Variants in PTPN1 observed in about 807,000 individuals in gnomAD.
PTPN1 encodes protein tyrosine phosphatase non-receptor type 1, also known as tyrosine-protein phosphatase non-receptor type 1.
In PTPN1, 12 loss-of-function variants were observed where a neutral mutation model predicts 59.9. The ratio of observed to expected loss-of-function variants is 0.20; its 90% confidence interval spans 0.13 to 0.32. The LOEUF (loss-of-function observed/expected upper bound fraction) is 0.32. PTPN1 is among the 10% of genes least tolerant of loss of function. PTPN1 has a pLI of 1.00. For missense variants in PTPN1, 356 were observed against 549.2 expected (o/e 0.65, Z 3.52); for synonymous variants, 178 against 203.6 (o/e 0.87, Z 1.07).
chr20:50,524,357 CTT>C (rs1178403643), intron 1 of PTPN1, among the ~76,000 whole-genome samples: 2 of 151,956 alleles, frequency 1.3e-5, no homozygotes, highest in Non-Finnish European at 2.9e-5. Flanking sequence ...TGCAGATAAT[CTT>C]TGATTTGTAC....
chr20:50,539,644 CTTTTTTTTT>C (rs5841806), intron 1 of PTPN1, among the ~76,000 whole-genome samples: 5 of 90,536 alleles, frequency 5.5e-5, no homozygotes, highest in East Asian at 3.1e-4. Flanking sequence ...CTCTTTCTCT[CTTTTTTTTT>C]TTTTTTTTTT....
chr20:50,577,469 C>T (rs1490008408), intron 5 of PTPN1: 2 of 152,264 alleles, frequency 1.3e-5, no homozygotes, highest in Non-Finnish European at 2.9e-5. Flanking sequence ...TTCCAGAGCC[C>T]TTTCCCTCTC....
chr20:50,559,161 A>T (rs1005173287), intron 1 of PTPN1, among the ~76,000 whole-genome samples: 1 of 150,810 alleles, frequency 6.6e-6, no homozygotes, highest in Admixed American at 6.7e-5. Context: ...CCTCCTGAGT[A>T]GCTGGGATTA....
chr20:50,518,810 A>G (rs1437636440), intron 1 of PTPN1, among the ~76,000 whole-genome samples: 5 of 152,236 alleles, frequency 3.3e-5, no homozygotes, highest in African/African-American at 1.2e-4. Flanking sequence ...GGCCAAGATC[A>G]GAAAGTTACA....
In PTPN1 at chr20:50,579,761, C is replaced by T. The variant is rs2082856169; in HGVS notation, c.923C>T (p.Pro308Leu). The T allele has an allele frequency of 1.2e-6, 2 of 1,613,542 alleles. No individual in the cohort carries two copies. Among genetic ancestry groups the T allele is most frequent in the Admixed American group, 1.7e-5 (1 of 60,000 alleles). Residue 308 changes from proline (P) to leucine (L), a missense_variant, in exon 8 of 10, where the codon CCA (proline) becomes CTA (leucine). Physicochemically the swap from Pro to Leu is moderately conservative, Grantham distance 98 (BLOSUM62 -3). This residue lies in a region of PTPN1 where 100 missense variants were observed against 107.7 expected (regional missense o/e 0.93). Transcript: ENST00000371621. ...GAGCCCCCACCCGAGCATATCCCCCCACCTCCCCGGCCACCCAAACGAATC... is the reference window on the plus strand; with the variant it reads ...GAGCCCCCACCCGAGCATATCCCCCTACCTCCCCGGCCACCCAAACGAATC... ...DLEPPPEHIPPPPRPPKRILE... is the reference protein window; with the variant it reads ...DLEPPPEHIPLPPRPPKRILE...
chr20:50,515,617 C>T (rs191697561), intron 1 of PTPN1, among the ~76,000 whole-genome samples: 30 of 152,286 alleles, frequency 2.0e-4, no homozygotes, highest in African/African-American at 5.1e-4. Flanking sequence ...TATCCCAGGT[C>T]TATCTCCAAT....
chr20:50,535,195 A>G (rs2082619113), intron 1 of PTPN1, among the ~76,000 whole-genome samples: 1 of 152,144 alleles, frequency 6.6e-6, no homozygotes, highest in Non-Finnish European at 1.5e-5. Context: ...TCACTGTCCT[A>G]CTTGAAAACT....
chr20:50,510,475 G>A lies in PTPN1; in HGVS notation c.-53G>A. ...CTAAGAGCGCGACGCGGCCTAGAGC[G>A]GCAGACGGCGCAGTGGGCCGAGAAG... On this transcript the variant is annotated 5_prime_UTR_variant, in exon 1 of 10. Transcript: ENST00000371621. The A allele has an allele frequency of 1.9e-6, 3 of 1,540,958 alleles. No individual in the cohort carries two copies. Among genetic ancestry groups the A allele is most frequent in the Non-Finnish European group, 1.8e-6 (2 of 1,140,732 alleles).
At chr20:50,534,854 T>C (rs2082616887) in intron 1 of PTPN1, among the ~76,000 whole-genome samples, 1 of 152,016 alleles carries the variant, frequency 6.6e-6, no homozygotes. Context: ...GCCTCTGGAG[T>C]AGCTGGGGCT....
intron 1 of PTPN1, among the ~76,000 whole-genome samples, chr20:50,545,344 T>A (rs933285542): frequency 2.0e-5 from 3 of 152,186 alleles, no homozygotes; most frequent in African/African-American, 4.8e-5. Context: ...CCACAGGCTG[T>A]AGGCTAAAAT....
At chr20:50,527,614 C>A (rs1453688985) in intron 1 of PTPN1, among the ~76,000 whole-genome samples, 1 of 152,164 alleles carries the variant, frequency 6.6e-6, no homozygotes, top group Non-Finnish European at 1.5e-5. Context: ...ACCCGTCAGC[C>A]TCCCAAAGTG....
At position 50,545,887 on chromosome 20, in the gene PTPN1, G is replaced by A. The variant is rs375507078; in HGVS notation, c.64-15476G>A. Among the ~76,000 whole-genome samples the A allele has an allele frequency of 1.2e-3, 186 of 151,042 alleles. 1 individual carries two copies. Among genetic ancestry groups the A allele is most frequent in the Middle Eastern group, 3.4e-3 (1 of 294 alleles). ...CAAAAAAATAGAAACAATGAGCCAG[G>A]CATGGTGGAACGTAGTGCGTGGTGC... On this transcript the variant is annotated intron_variant, in intron 1 of 9. Coordinates refer to ENST00000371621, the MANE Select transcript of PTPN1 (RefSeq NM_002827.4).
chr20:50,578,593 TG>T lies in PTPN1; in HGVS notation c.668del (p.Gly223GlufsTer12). 1 of 1,614,186 alleles carries T rather than the reference TG, an allele frequency of 6.2e-7. No homozygotes were observed. The highest frequency in any genetic ancestry group is 8.5e-7 in the Non-Finnish European group (1 of 1,180,042). On this transcript the variant is annotated frameshift_variant, in exon 6 of 10. Transcript: ENST00000371621. LOFTEE classifies it high-confidence loss of function. ...ACTGCAGTGCAGGCATCGGCAGGTC[TG>T]GAACCTTCTGTCTGGCTGATACCTG... ...VHCSAGIGRS[G>X]TFCLADTCLL...
intron 5 of PTPN1, among the ~76,000 whole-genome samples, chr20:50,577,112 C>T (rs1044309374): frequency 6.6e-6 from 1 of 151,978 alleles, no homozygotes; most frequent in African/African-American, 2.4e-5. Flanking sequence ...ATTTAATGAA[C>T]ATTAAATATT....
chr20:50,545,864 A>C (rs1044863062), intron 1 of PTPN1, among the ~76,000 whole-genome samples: 1 of 149,252 alleles, frequency 6.7e-6, no homozygotes, highest in Non-Finnish European at 1.5e-5. Flanking sequence ...CGTCTCTACA[A>C]AAAAATAGAA....
intron 4 of PTPN1, chr20:50,572,293 T>C (rs978414859): frequency 6.6e-6 from 1 of 152,262 alleles, no homozygotes; most frequent in Admixed American, 6.5e-5. Context: ...TATATATCAA[T>C]GTAATAGGGT....
rs889735301 is a variant in PTPN1, at chr20:50,584,390, T to C, written c.*1675T>C. 6.6e-6 allele frequency: 1 copy of C among 152,622 alleles called. No homozygotes were observed. Among genetic ancestry groups the C allele is most frequent in the Admixed American group, 6.5e-5 (1 of 15,288 alleles). The allele number at this position is 152,622 out of a possible 1,614,324, so 9.5% of individuals were successfully genotyped here. On this transcript the variant is annotated 3_prime_UTR_variant, in exon 10 of 10. Coordinates refer to ENST00000371621, the MANE Select transcript of PTPN1 (RefSeq NM_002827.4). ...ATATAGTAGCATTTCAAAATGGACG[T>C]ACTGGTTTAACCTCCTATCCTTGGA...
At chr20:50,540,956 C>A (rs1380770900) in intron 1 of PTPN1, among the ~76,000 whole-genome samples, 3 of 152,160 alleles carry the variant, frequency 2.0e-5, no homozygotes, top group Admixed American at 6.5e-5. Flanking sequence ...GATATCCTAG[C>A]CATCCACCTG....
chr20:50,517,465 C>T (rs2082533742), intron 1 of PTPN1, among the ~76,000 whole-genome samples: 1 of 152,086 alleles, frequency 6.6e-6, no homozygotes, highest in African/African-American at 2.4e-5. Flanking sequence ...TGCTGTGTTG[C>T]CCAGGCTGGT....
Sources: gnomAD v4.1 joint callset for allele counts (sites outside exome capture counted in the v4.1 genomes callset) on GRCh38, gnomAD v4.1.1 for gene constraint, gnomAD v4.1.1 regional missense constraint, MANE v1.5 for transcripts, NCBI Gene and HGNC (gene_info 2026-07-23, HGNC 2026-07-21) for gene names.